The following TERF1 variants were observed in gnomAD, a reference collection of about 807,000 sequenced individuals.
TERF1 encodes the protein telomeric repeat-binding factor 1.
A neutral mutation model predicts 55.1 loss-of-function variants in TERF1; 20 were observed. That is an observed-to-expected ratio of 0.36 (90% CI 0.26 to 0.53). The LOEUF (loss-of-function observed/expected upper bound fraction) is 0.53, where lower values mean the gene tolerates loss of function less well. TERF1 is among the 20% of genes least tolerant of loss of function. The pLI, the probability that TERF1 is intolerant of heterozygous loss-of-function variation, is 0.91. For synonymous variants in TERF1, 168 were observed against 181.2 expected, an observed-to-expected ratio of 0.93 and a Z score of 0.59; for missense variants, 439 against 535.7, an observed-to-expected ratio of 0.82 and a Z score of 1.78.
Position 73,022,262 on chromosome 8 carries a change from A to T in TERF1, c.584A>T (p.Glu195Val), listed in dbSNP as rs776820604. 24 of 1,586,780 alleles carry T rather than the reference A, an allele frequency of 1.5e-5. No individual in the cohort carries two copies. The highest frequency in any genetic ancestry group is 1.7e-5 in the Non-Finnish European group (20 of 1,171,148). Residue 195 changes from glutamate to valine, a missense_variant, in exon 4 of 10, where the codon GAA becomes GTA. Transcript: ENST00000276603. ...AATGGCAACTTTAAAGAAGCAGAAG[A>T]AGTCTTTGAAAGAATATTTGGTGAT... ...MENGNFKEAE[E>V]VFERIFGDPN... is the part of the protein sequence containing the mutation.
At chr8:73,017,669 A>C (rs2129748256) in intron 2 of TERF1, among the ~76,000 whole-genome samples, 1 of 151,224 alleles carries the variant, frequency 6.6e-6, no homozygotes, top group South Asian at 2.1e-4. Context: ...TGAGAATTTA[A>C]TCTCTGGGAG....
At chr8:73,037,876 A>T (rs1414731454) in intron 8 of TERF1, among the ~76,000 whole-genome samples, 1 of 119,572 alleles carries the variant, frequency 8.4e-6, no homozygotes, top group East Asian at 2.1e-4. Flanking sequence ...TATATAATAT[A>T]TATAAATATG....
intron 7 of TERF1, chr8:73,031,109 C>T (rs1042157794): frequency 6.6e-6 from 1 of 152,204 alleles, no homozygotes; most frequent in African/African-American, 2.4e-5. Flanking sequence ...CATGAATCCT[C>T]AAGGCTGAAG....
At chr8:73,038,259 T>C (rs1219966341) in intron 8 of TERF1, among the ~76,000 whole-genome samples, 2 of 151,952 alleles carry the variant, frequency 1.3e-5, no homozygotes, top group African/African-American at 4.8e-5. Flanking sequence ...GAGACCAGCC[T>C]GTGCAATATA....
At chr8:73,033,347 A>G (rs921327565) in intron 8 of TERF1, among the ~76,000 whole-genome samples, 19 of 152,124 alleles carry the variant, frequency 1.2e-4, no homozygotes, top group Non-Finnish European at 5.9e-5. Flanking sequence ...TTCTATACCT[A>G]TTGCTGCAAG....
chr8:73,010,264 A>T (rs1165043803), intron 1 of TERF1: 1 of 152,208 alleles, frequency 6.6e-6, no homozygotes, highest in Non-Finnish European at 1.5e-5. Flanking sequence ...ATAGGTTAAA[A>T]GGGAGTGTTT....
intron 4 of TERF1, 25 bp downstream of exon 4, chr8:73,022,327 G>T: frequency 7.0e-7 from 1 of 1,429,186 alleles, no homozygotes; most frequent in South Asian, 1.3e-5. Context: ...TAAAACCATA[G>T]AATTTTAGAA....
chr8:73,025,113 T>C (rs1282135690), intron 5 of TERF1, 142 bp downstream of exon 5: 18 of 500,632 alleles, frequency 3.6e-5, no homozygotes, highest in Non-Finnish European at 5.9e-5. Context: ...AAATGTTACA[T>C]TTTGTGGACC....
intron 9 of TERF1, among the ~76,000 whole-genome samples, chr8:73,043,725 AT>A (rs1809924266): frequency 6.6e-6 from 1 of 152,158 alleles, no homozygotes; most frequent in African/African-American, 2.4e-5. Context: ...AACATTGGTC[AT>A]TTCTTGAAAG....
At chr8:73,014,142 T>C in intron 2 of TERF1, 152 bp downstream of exon 2, 1 of 562,154 alleles carries the variant, frequency 1.8e-6, no homozygotes. Flanking sequence ...TGTGTACACA[T>C]ACAGTCATAT....
At position 73,037,694 on chromosome 8, in the gene TERF1, T is replaced by C. The variant is rs1280255694; in HGVS notation, c.1040-1422T>C. Reference sequence around the variant, plus strand: ...TATATTATATATAATATATATTATATAGTATAATATTATATTATATATAAT... The same window carrying C: ...TATATTATATATAATATATATTATACAGTATAATATTATATTATATATAAT... On this transcript the variant is annotated intron_variant, in intron 8 of 9. Coordinates refer to ENST00000276603, the MANE Select transcript of TERF1 (RefSeq NM_017489.3). Among the ~76,000 whole-genome samples, 15 of 44,050 alleles carry C rather than the reference T, an allele frequency of 3.4e-4. 1 individual carries two copies. Among genetic ancestry groups the C allele is most frequent in the African/African-American group, 1.3e-3 (13 of 10,188 alleles). The allele number at this position is 44,050 out of a possible 152,430, so 28.9% of individuals were successfully genotyped here.
chr8:73,037,082 C>T (rs1250540025), intron 8 of TERF1, among the ~76,000 whole-genome samples: 2 of 130,630 alleles, frequency 1.5e-5, no homozygotes, highest in African/African-American at 5.8e-5. Context: ...AATTATACTA[C>T]ATATAATATA....
At chr8:73,028,954 C>G (rs1268109048) in intron 6 of TERF1, among the ~76,000 whole-genome samples, 1 of 152,158 alleles carries the variant, frequency 6.6e-6, no homozygotes, top group Non-Finnish European at 1.5e-5. Flanking sequence ...CATTCATTAC[C>G]AGGCATACAT....
intron 6 of TERF1, among the ~76,000 whole-genome samples, chr8:73,028,312 A>G (rs1259050715): frequency 6.6e-6 from 1 of 152,120 alleles, no homozygotes; most frequent in Non-Finnish European, 1.5e-5. Flanking sequence ...TTGCCTCTCT[A>G]CACCCTGCCT....
At chr8:73,035,072 C>T (rs969878821) in intron 8 of TERF1, among the ~76,000 whole-genome samples, 15 of 152,092 alleles carry the variant, frequency 9.9e-5, no homozygotes, top group Non-Finnish European at 1.9e-4. Context: ...TTCAGTACTT[C>T]AGATAAAGGT....
At chr8:73,031,852 A>G in intron 7 of TERF1, 190 bp from the exon 8 acceptor site, 2 of 396,130 alleles carry the variant, frequency 5.0e-6, no homozygotes, top group East Asian at 3.8e-5. Context: ...ATGGAGAAAG[A>G]TGAGACAGGC....
chr8:73,045,782 AC>A (rs1810004482), intron 9 of TERF1, among the ~76,000 whole-genome samples, 178 bp from the exon 10 acceptor site: 1 of 152,152 alleles, frequency 6.6e-6, no homozygotes, highest in African/African-American at 2.4e-5. Context: ...AATAATAATG[AC>A]CCCTAAAAAT....
At position 73,045,990 on chromosome 8, in the gene TERF1, G is replaced by A. The variant is rs1810014815; in HGVS notation, c.1173G>A (p.Leu391=). 1 of 1,587,584 alleles carries A rather than the reference G, an allele frequency of 6.3e-7. No individual in the cohort carries two copies. Among genetic ancestry groups the A allele is most frequent in the South Asian group, 1.2e-5 (1 of 85,704 alleles). The change falls in exon 10 of 10, where the codon TTG becomes TTA. Residue 391 remains leucine, a synonymous_variant. Coordinates refer to ENST00000276603, the MANE Select transcript of TERF1 (RefSeq NM_017489.3). ...QAWLWEEDKN[L]RSGVRKYGEG... ...GGCTTTGGGAAGAAGACAAGAATTT[G>A]AGATCTGGCGTGAGGAAATATGGAG...
At chr8:73,027,379 C>CA (rs1809057522) in intron 6 of TERF1, among the ~76,000 whole-genome samples, 1 of 152,144 alleles carries the variant, frequency 6.6e-6, no homozygotes, top group Non-Finnish European at 1.5e-5. Flanking sequence ...TTATGTGATT[C>CA]ATGTTTCACT....
Sources: allele counts gnomAD v4.1 joint callset (sites outside exome capture counted in the v4.1 genomes callset), GRCh38; gene constraint gnomAD v4.1.1; transcripts MANE v1.5; gene names NCBI Gene and HGNC (gene_info 2026-07-23, HGNC 2026-07-21).